The following TRIP12 variants were observed in gnomAD, a reference collection of about 807,000 sequenced individuals.
TRIP12 encodes the protein thyroid hormone receptor interactor 12.
In TRIP12, 25 loss-of-function variants were observed where a neutral mutation model predicts 244.2. The ratio of observed to expected loss-of-function variants is 0.10; its 90% CI spans 0.07 to 0.14. The LOEUF (loss-of-function observed/expected upper bound fraction) is 0.14. TRIP12 is among the 10% of genes least tolerant of loss of function. The pLI, the probability that TRIP12 is intolerant of heterozygous loss-of-function variation, is 1.00. For synonymous variants in TRIP12, 905 were observed against 873.1 expected, an observed-to-expected ratio of 1.04 and a Z score of -0.64; for missense variants, 1,677 against 2,486.4, an observed-to-expected ratio of 0.67 and a Z score of 6.92.
At chr2:229,883,374 A>T (rs998177210) in intron 1 of TRIP12, among the ~76,000 whole-genome samples, 1 of 152,256 alleles carries the variant, frequency 6.6e-6, no homozygotes, top group Non-Finnish European at 1.5e-5. Context: ...GACTTGACCA[A>T]TTACTTATGT....
intron 1 of TRIP12, among the ~76,000 whole-genome samples, chr2:229,903,678 C>T (rs1449879833): frequency 6.6e-6 from 1 of 151,972 alleles, no homozygotes; most frequent in Non-Finnish European, 1.5e-5. Flanking sequence ...ATGCAAGATA[C>T]TCCAAGGTAA....
intron 2 of TRIP12, among the ~76,000 whole-genome samples, chr2:229,879,397 A>G (rs1013451061): frequency 1.3e-5 from 2 of 152,228 alleles, no homozygotes; most frequent in African/African-American, 4.8e-5. Context: ...TTGGAGTATT[A>G]CATTCAAGAA....
chr2:229,869,184 T>C (rs1376011348), intron 2 of TRIP12, among the ~76,000 whole-genome samples: 1 of 152,336 alleles, frequency 6.6e-6, no homozygotes. Flanking sequence ...CCTTGCTACA[T>C]AGCCCATTTT....
rs1346639529 is a variant in TRIP12, at chr2:229,789,595, A to C, written c.4695+16T>G. On this transcript the variant is annotated intron_variant, in intron 31 of 41. Coordinates refer to ENST00000675903, the MANE Select transcript of TRIP12 (RefSeq NM_001348323.3). ...CACAGACCATGAAAACTTCATAAAT[A>C]GGCAACATTACTCACATCATACAAG... 1 of 1,605,792 alleles carries C rather than the reference A, an allele frequency of 6.2e-7. No individual in the cohort carries two copies. Among genetic ancestry groups the C allele is most frequent in the Non-Finnish European group, 8.5e-7 (1 of 1,175,664 alleles).
chr2:229,859,132 T>C lies in TRIP12; in HGVS notation c.667A>G (p.Lys223Glu), dbSNP rs1371365627. Reference protein sequence around the residue: ...RSAKPTKLASKSATSAKAGCS... With the variant: ...RSAKPTKLASESATSAKAGCS... ...CCAGCTTTGGCTGAGGTGGCTGATT[T>C]TGAAGCCAGCTTGGTAGGTTTCGCA... Residue 223 changes from lysine to glutamate, a missense_variant, in exon 4 of 42, where the codon AAA becomes GAA. This residue lies in a region of TRIP12 where 387 missense variants were observed against 392.6 expected (regional missense o/e 0.99). Coordinates refer to ENST00000675903, the MANE Select transcript of TRIP12 (RefSeq NM_001348323.3). 4.3e-6 allele frequency: 7 copies of C among 1,614,160 alleles called. No homozygotes were observed.
intron 1 of TRIP12, among the ~76,000 whole-genome samples, chr2:229,904,568 C>A (rs1464381783): frequency 6.6e-6 from 1 of 151,966 alleles, no homozygotes; most frequent in Non-Finnish European, 1.5e-5. Flanking sequence ...GCAATATGAT[C>A]TGCTATTATT....
chr2:229,878,774 G>A (rs1021815619), intron 2 of TRIP12, among the ~76,000 whole-genome samples: 1 of 151,578 alleles, frequency 6.6e-6, no homozygotes, highest in African/African-American at 2.4e-5. Context: ...GGTAGAGACG[G>A]GGTTTCACCA....
intron 7 of TRIP12, among the ~76,000 whole-genome samples, chr2:229,830,124 C>G (rs1474062643): frequency 4.6e-5 from 7 of 152,096 alleles, no homozygotes; most frequent in Admixed American, 2.0e-4. Context: ...CATACCCATC[C>G]ATACATAGTA....
chr2:229,810,334 C>T (rs1337875700), intron 15 of TRIP12, among the ~76,000 whole-genome samples: 2 of 152,160 alleles, frequency 1.3e-5, no homozygotes, highest in Non-Finnish European at 2.9e-5. Flanking sequence ...TTTTATTTCC[C>T]ACACACTGTG....
chr2:229,881,058 A>C (rs1168444222), intron 1 of TRIP12, among the ~76,000 whole-genome samples: 1 of 152,242 alleles, frequency 6.6e-6, no homozygotes, highest in Non-Finnish European at 1.5e-5. Flanking sequence ...CTGGATTTTC[A>C]ACAGCAGCTC....
In TRIP12 at chr2:229,818,430, C is replaced by T; in HGVS notation, c.1533G>A (p.Gln511=). The T allele has an allele frequency of 6.2e-7, 1 of 1,614,156 alleles. No individual in the cohort carries two copies. Among genetic ancestry groups the T allele is most frequent in the Non-Finnish European group, 8.5e-7 (1 of 1,179,982 alleles). Residue 511 remains glutamine, a synonymous_variant, in exon 9 of 42, where the codon CAG becomes CAA. Coordinates refer to ENST00000675903, the MANE Select transcript of TRIP12 (RefSeq NM_001348323.3). Reference sequence around the variant, plus strand: ...TCTCCTCATTTCCCATGACCAGTAACTGACACATCTCAATAACTGCCTGAA... The same window carrying T: ...TCTCCTCATTTCCCATGACCAGTAATTGACACATCTCAATAACTGCCTGAA... ...QQLQAVIEMC[Q]LLVMGNEETL... is the part of the protein sequence containing the mutation.
chr2:229,918,936 T>C (rs551057805), intron 1 of TRIP12, among the ~76,000 whole-genome samples: 12 of 152,132 alleles, frequency 7.9e-5, no homozygotes, highest in Non-Finnish European at 1.5e-4. Context: ...GATTACCCAC[T>C]CCCATTTTAC....
chr2:229,795,161 C>T lies in TRIP12; in HGVS notation c.3968+18G>A. 1 of 1,610,260 alleles carries T rather than the reference C, an allele frequency of 6.2e-7. No homozygotes were observed. Among genetic ancestry groups the T allele is most frequent in the Non-Finnish European group, 8.5e-7 (1 of 1,178,072 alleles). ...CCAAATTCCAGTGGCAAGGGTATAGCCAGGCAATGGTCCTTACCTGCCTCC... is the reference window on the plus strand; with the variant it reads ...CCAAATTCCAGTGGCAAGGGTATAGTCAGGCAATGGTCCTTACCTGCCTCC... On this transcript the variant is annotated intron_variant, in intron 26 of 41. Transcript: ENST00000675903.
chr2:229,905,934 C>T (rs938679015), intron 1 of TRIP12, among the ~76,000 whole-genome samples: 2 of 152,192 alleles, frequency 1.3e-5, no homozygotes, highest in African/African-American at 4.8e-5. Context: ...ACAACTCAGG[C>T]ACAAAACATT....
intron 8 of TRIP12, among the ~76,000 whole-genome samples, chr2:229,822,678 CCAAA>C (rs772525053): frequency 6.6e-6 from 1 of 151,910 alleles, no homozygotes; most frequent in Non-Finnish European, 1.5e-5. Context: ...TGTCACATAA[CCAAA>C]CAATTACTAG....
Position 229,822,850 on chromosome 2 carries a change from TCAA to T in TRIP12, c.1451-4341_1451-4339del, listed in dbSNP as rs1164391131. Among the ~76,000 whole-genome samples the T allele has an allele frequency of 2.0e-5, 3 of 152,208 alleles. No individual in the cohort carries two copies. The East Asian group carries it at 5.8e-4, about 29-fold the overall frequency. The stretch of plus-strand genomic sequence containing the variant: ...AAATTGATTAAGAATATACACATTT[TCAA>T]CAGATGATTGGCATCTATAAAGAGA... On this transcript the variant is annotated intron_variant, in intron 8 of 41. Transcript: ENST00000675903.
chr2:229,817,334 TTTGA>T (rs1166489922), intron 9 of TRIP12, among the ~76,000 whole-genome samples: 4 of 152,342 alleles, frequency 2.6e-5, no homozygotes, highest in Admixed American at 6.5e-5. Flanking sequence ...TTTGGTAGTG[TTTGA>T]TTTAGACTCA....
intron 15 of TRIP12, among the ~76,000 whole-genome samples, chr2:229,808,631 CCT>C (rs1273166045): frequency 2.6e-5 from 4 of 152,168 alleles, no homozygotes; most frequent in East Asian, 1.9e-4. Context: ...CCTTCTCACC[CCT>C]GAGACTTCAG....
At chr2:229,823,948 A>G (rs369788964) in intron 8 of TRIP12, among the ~76,000 whole-genome samples, 10 of 152,302 alleles carry the variant, frequency 6.6e-5, no homozygotes, top group African/African-American at 2.2e-4. Flanking sequence ...CAATCCTTTA[A>G]AGAAAAAAGA....
Sources: gnomAD v4.1 joint callset for allele counts (sites outside exome capture counted in the v4.1 genomes callset) on GRCh38, gnomAD v4.1.1 for gene constraint, gnomAD v4.1.1 regional missense constraint, MANE v1.5 for transcripts, NCBI Gene and HGNC (gene_info 2026-07-23, HGNC 2026-07-21) for gene names.